The following PEDS1 variants were observed in gnomAD, a reference collection of about 807,000 sequenced individuals.
PEDS1 encodes the protein CarF homolog.
Under a neutral mutation model 35.2 loss-of-function variants are expected in PEDS1, and 14 were observed. The observed-to-expected ratio is 0.40, with a 90% confidence interval of 0.26 to 0.62. PEDS1 has a LOEUF of 0.62. Ranked by LOEUF, PEDS1 falls within the 20% of genes least tolerant of loss-of-function variation. The pLI, the probability that PEDS1 is intolerant of heterozygous loss-of-function variation, is 0.44. For missense variants in PEDS1, 260 were observed against 367.8 expected (o/e 0.71, Z 2.40); for synonymous variants, 152 against 152.0 (o/e 1.00, Z 0.00).
At chr20:50,139,052 G>A (rs781700382) in intron 2 of PEDS1, among the ~76,000 whole-genome samples, 11 of 152,104 alleles carry the variant, frequency 7.2e-5, no homozygotes, top group Non-Finnish European at 1.6e-4. Context: ...AAATCCATGG[G>A]TTTCGGTCCT....
In PEDS1 at chr20:50,139,661, T is replaced by C. The variant is rs185594907; in HGVS notation, c.241+3841A>G. On this transcript the variant is annotated intron_variant, in intron 2 of 5. Transcript: ENST00000371652. Reference sequence around the variant, plus strand: ...ATAAGGAGCTTCATCTTGACACAGATGACCCCCGGATTTCTTTCTTTTTTT... The same window carrying C: ...ATAAGGAGCTTCATCTTGACACAGACGACCCCCGGATTTCTTTCTTTTTTT... 1.6e-3 allele frequency among the ~76,000 whole-genome samples: 244 copies of C among 149,138 alleles called. 1 individual carries two copies. The highest frequency in any genetic ancestry group is 5.8e-3 in the African/African-American group (234 of 40,354).
chr20:50,127,166 C>G (rs1326529634), intron 5 of PEDS1, among the ~76,000 whole-genome samples: 2 of 152,266 alleles, frequency 1.3e-5, no homozygotes, highest in African/African-American at 4.8e-5. Context: ...GTTCAAGTGT[C>G]ACCTTCCCTG....
chr20:50,141,318 A>G (rs181143897), intron 2 of PEDS1, among the ~76,000 whole-genome samples: 9 of 152,374 alleles, frequency 5.9e-5, no homozygotes, highest in Admixed American at 5.2e-4. Context: ...CAAAGAGTGA[A>G]AAGTGCCCAG....
chr20:50,147,777 G>A (rs932826885), intron 1 of PEDS1, among the ~76,000 whole-genome samples: 12 of 152,168 alleles, frequency 7.9e-5, no homozygotes, highest in East Asian at 3.8e-4. Flanking sequence ...CACAATGGCC[G>A]GGTGTGGTGG....
intron 5 of PEDS1, among the ~76,000 whole-genome samples, chr20:50,126,247 A>G (rs960924681): frequency 5.9e-5 from 9 of 152,160 alleles, no homozygotes; most frequent in Admixed American, 1.3e-4. Context: ...ACAGCCTTCC[A>G]GCTCACCATG....
At chr20:50,149,331 C>T (rs1165793407) in intron 1 of PEDS1, among the ~76,000 whole-genome samples, 1 of 152,112 alleles carries the variant, frequency 6.6e-6, no homozygotes, top group African/African-American at 2.4e-5. Context: ...CCACAGTTGG[C>T]CTGGGTGGGG....
rs2081142698 is a variant in PEDS1 at position 50,128,916 on chromosome 20, AC to A, written c.478+629del. The stretch of plus-strand genomic sequence containing the variant: ...ACTCACAGAAGCAGGGGCTGGGTGC[AC>A]CCCCAGGGAAGGGGATGGGCAGGGT... On this transcript the variant is annotated intron_variant, in intron 4 of 5. Coordinates refer to ENST00000371652, the MANE Select transcript of PEDS1 (RefSeq NM_199129.4). The surrounding 1 kb of genome is among the most constrained non-coding windows in gnomAD (Gnocchi z 5.2). 6.6e-6 allele frequency among the ~76,000 whole-genome samples: 1 copy of A among 152,168 alleles called. No homozygotes were observed. The highest frequency in any genetic ancestry group is 2.4e-5 in the African/African-American group (1 of 41,442).
At chr20:50,143,743 G>C in intron 1 of PEDS1, 122 bp from the exon 2 acceptor site, 1 of 1,447,200 alleles carries the variant, frequency 6.9e-7, no homozygotes, top group Non-Finnish European at 9.1e-7. Context: ...TATCACCCAG[G>C]CTGGAGTGCA....
At position 50,125,160 on chromosome 20, in the gene PEDS1, C is replaced by T; in HGVS notation, c.711G>A (p.Leu237=). The change falls in exon 6 of 6, where the codon CTG becomes CTA. Residue 237 remains leucine, a synonymous_variant. Transcript: ENST00000371652. The part of the protein sequence containing the change: ...CITTGWLNYP[L]EKIGFWRRLE... Reference sequence around the variant, plus strand: ...GGCGTCGCCAGAAGCCTATCTTCTCCAGAGGGTAGTTGAGCCAGCCTGCAG... The same window carrying T: ...GGCGTCGCCAGAAGCCTATCTTCTCTAGAGGGTAGTTGAGCCAGCCTGCAG... The T allele has an allele frequency of 1.2e-6, 2 of 1,614,114 alleles. No homozygotes were observed. The highest frequency in any genetic ancestry group is 1.7e-6 in the Non-Finnish European group (2 of 1,179,960).
intron 2 of PEDS1, among the ~76,000 whole-genome samples, chr20:50,137,737 GGC>G (rs1161101632): frequency 2.6e-5 from 4 of 152,228 alleles, no homozygotes; most frequent in Admixed American, 1.3e-4. Flanking sequence ...CGGGCGTGCT[GGC>G]GCGCGCTTGT....
intron 2 of PEDS1, among the ~76,000 whole-genome samples, chr20:50,132,210 T>C (rs1040086465): frequency 7.2e-5 from 11 of 151,960 alleles, no homozygotes; most frequent in Non-Finnish European, 1.0e-4. Flanking sequence ...CTTGAAAAAA[T>C]AAATAAATAA....
At position 50,129,506 on chromosome 20, in the gene PEDS1, C is replaced by T. The variant is rs766994574; in HGVS notation, c.478+40G>A. On this transcript the variant is annotated intron_variant, in intron 4 of 5. Transcript: ENST00000371652. The surrounding 1 kb of genome is among the most constrained non-coding windows in gnomAD (Gnocchi z 4.2). ...GCTCCTGGGGGTCGGCCTCTGCCCC[C>T]AAGGCCCCCTCCCAGCCCACCACTA... The T allele has an allele frequency of 1.9e-5, 30 of 1,612,526 alleles. 1 individual carries two copies. The highest frequency in any genetic ancestry group is 3.3e-4 in the Middle Eastern group (2 of 6,070).
chr20:50,134,065 G>A (rs1486250026), intron 2 of PEDS1, among the ~76,000 whole-genome samples: 1 of 152,246 alleles, frequency 6.6e-6, no homozygotes, highest in African/African-American at 2.4e-5. Context: ...GTGGCCAAGA[G>A]CTATGACAGA....
Position 50,153,623 on chromosome 20 carries a change from C to G in PEDS1, c.15G>C (p.Glu5Asp). The part of the protein sequence containing the change: MAGA[E>D]NWPGQQLELD... ...GCTCCAGCTGCTGGCCCGGCCAGTT[C>G]TCGGCGCCCGCCATGGCCACTCGCC... Residue 5 changes from glutamate (E) to aspartate (D), a missense_variant, in exon 1 of 6, where the codon GAG (glutamate) becomes GAC (aspartate). Glu to Asp is a conservative substitution (Grantham distance 45). This residue lies in a region of PEDS1 where 114 missense variants were observed against 121.6 expected (regional missense o/e 0.94). Transcript: ENST00000371652. The G allele has an allele frequency of 3.1e-6, 4 of 1,276,280 alleles. No individual in the cohort carries two copies. The highest frequency in any genetic ancestry group is 4.0e-6 in the Non-Finnish European group (4 of 1,007,842). 79.1% of individuals were successfully genotyped at this position (1,276,280 alleles called of 1,614,324 possible). A position where few individuals can be genotyped will look rare whatever the true frequency, so the allele number is the denominator to read the frequency against.
chr20:50,134,849 A>G (rs1455444300), intron 2 of PEDS1, among the ~76,000 whole-genome samples: 2 of 152,224 alleles, frequency 1.3e-5, no homozygotes, highest in African/African-American at 4.8e-5. Context: ...TAGAGATTCT[A>G]TACCTACACA....
intron 1 of PEDS1, among the ~76,000 whole-genome samples, chr20:50,144,819 A>G (rs975456364): frequency 6.6e-6 from 1 of 152,220 alleles, no homozygotes; most frequent in Admixed American, 6.5e-5. Context: ...TTAAAAAAAA[A>G]TCTATATAGT....
In PEDS1 at chr20:50,124,956, C is replaced by G. The variant is rs139346170; in HGVS notation, c.*102G>C. The G allele has an allele frequency of 6.3e-3, 9,540 of 1,522,976 alleles. 52 individuals are homozygous for G. The highest frequency in any genetic ancestry group is 0.01 in the South Asian group (837 of 82,514). 94.3% of individuals were successfully genotyped at this position (1,522,976 alleles called of 1,614,324 possible). ...ACCTGGGCCCAGCCCAGGAGATGTC[C>G]TCTCCATCTGGAGGGGCCAGCTCAA... On this transcript the variant is annotated 3_prime_UTR_variant, in exon 6 of 6. Transcript: ENST00000371652.
At chr20:50,134,923 C>A (rs1029525035) in intron 2 of PEDS1, among the ~76,000 whole-genome samples, 4 of 152,166 alleles carry the variant, frequency 2.6e-5, no homozygotes, top group Non-Finnish European at 5.9e-5. Flanking sequence ...TGGCTCACAC[C>A]TGTAATCCCA....
At chr20:50,131,179 G>A in intron 2 of PEDS1, 1 of 1,021,044 alleles carries the variant, frequency 9.8e-7, no homozygotes, top group Non-Finnish European at 1.5e-6. Flanking sequence ...AGAGTCTGGA[G>A]AGCATAAACT....
Sources: gnomAD v4.1 joint callset for allele counts (sites outside exome capture counted in the v4.1 genomes callset) on GRCh38, gnomAD v4.1.1 for gene constraint, gnomAD v4.1.1 regional missense constraint, Gnocchi (gnomAD v3.1) non-coding constraint, MANE v1.5 for transcripts, NCBI Gene and HGNC (gene_info 2026-07-23, HGNC 2026-07-21) for gene names.